The following PTDSS1 variants were observed in gnomAD, a reference collection of about 807,000 sequenced individuals.
PTDSS1 encodes the protein PSS-1.
Under a neutral mutation model 70.5 loss-of-function variants are expected in PTDSS1, and 45 were observed. That is an observed-to-expected ratio of 0.64 (90% CI 0.50 to 0.82). The LOEUF (loss-of-function observed/expected upper bound fraction) is 0.82, where lower values mean the gene tolerates loss of function less well. Ranked by LOEUF, PTDSS1 falls within the 40% of genes least tolerant of loss-of-function variation. The pLI is 0.00. For missense variants in PTDSS1, 417 were observed against 586.1 expected, an observed-to-expected ratio of 0.71 and a Z score of 2.98; for synonymous variants, 188 against 203.8, an observed-to-expected ratio of 0.92 and a Z score of 0.66.
chr8:96,335,340 T>C lies in PTDSS1; in HGVS notation c.*1774T>C, dbSNP rs1452727325. On this transcript the variant is annotated 3_prime_UTR_variant, in exon 13 of 13. Coordinates refer to ENST00000517309, the MANE Select transcript of PTDSS1 (RefSeq NM_014754.3). ...TGTTTCATCCTGTGTTCTGCTTTTC[T>C]AAGCATGACATACTTGTGCCCATTG... 6.6e-6 allele frequency: 1 copy of C among 152,276 alleles called. No individual in the cohort carries two copies. Among genetic ancestry groups the C allele is most frequent in the Admixed American group, 6.5e-5 (1 of 15,286 alleles). 9.4% of individuals were successfully genotyped at this position (152,276 alleles called of 1,614,324 possible). A position where few individuals can be genotyped will look rare whatever the true frequency, so the allele number is the denominator to read the frequency against.
intron 10 of PTDSS1, among the ~76,000 whole-genome samples, chr8:96,321,256 A>G (rs536172590): frequency 6.6e-6 from 1 of 152,336 alleles, no homozygotes; most frequent in East Asian, 1.9e-4. Flanking sequence ...ATGGATCACT[A>G]AAAGAAGCTC....
intron 5 of PTDSS1, among the ~76,000 whole-genome samples, chr8:96,296,376 G>A (rs1810976516): frequency 6.6e-6 from 1 of 151,978 alleles, no homozygotes; most frequent in African/African-American, 2.4e-5. Context: ...CTGTCCTTGT[G>A]ATCTGCCCAC....
At position 96,283,989 on chromosome 8, in the gene PTDSS1, A is replaced by C. The variant is rs567519099; in HGVS notation, c.272-120A>C. The C allele has an allele frequency of 1.4e-4, 104 of 770,172 alleles. No individual in the cohort carries two copies. The Middle Eastern group carries it at 2.9e-3, about 22-fold the overall frequency. The allele number at this position is 770,172 out of a possible 1,614,324, so 47.7% of individuals were successfully genotyped here. A position where few individuals can be genotyped will look rare whatever the true frequency, so the allele number is the denominator to read the frequency against. On this transcript the variant is annotated intron_variant, in intron 2 of 12. Coordinates refer to ENST00000517309, the MANE Select transcript of PTDSS1 (RefSeq NM_014754.3). ...AAGTGTTTATGTAGAAAAAAAAAAA[A>C]AACTTTTAACAGTAGAGAGCTTTTT...
intron 1 of PTDSS1, among the ~76,000 whole-genome samples, chr8:96,268,944 A>G (rs1267237252): frequency 6.6e-6 from 1 of 152,088 alleles, no homozygotes; most frequent in African/African-American, 2.4e-5. Context: ...GCCACCTACT[A>G]TGGCAGGTGG....
chr8:96,309,056 A>G (rs1811167382), intron 8 of PTDSS1, among the ~76,000 whole-genome samples: 1 of 152,152 alleles, frequency 6.6e-6, no homozygotes, highest in Non-Finnish European at 1.5e-5. Context: ...CAACCAATGG[A>G]CAGTACTGCT....
chr8:96,298,900 C>T (rs577438627), intron 5 of PTDSS1, among the ~76,000 whole-genome samples: 13 of 152,028 alleles, frequency 8.6e-5, no homozygotes, highest in Admixed American at 1.3e-4. Flanking sequence ...ATTAGCCGGG[C>T]ATGGTGGTGT....
chr8:96,270,568 C>G (rs565039320), intron 1 of PTDSS1, among the ~76,000 whole-genome samples: 1 of 152,156 alleles, frequency 6.6e-6, no homozygotes, highest in Non-Finnish European at 1.5e-5. Context: ...TCTCTGCTCT[C>G]GAAACTCACA....
intron 12 of PTDSS1, 26 bp from the exon 13 acceptor site, chr8:96,333,431 C>G (rs1274496664): frequency 1.3e-6 from 2 of 1,580,446 alleles, no homozygotes; most frequent in Non-Finnish European, 1.7e-6. Context: ...CCCAGGGTGA[C>G]GGTGTGCTCT....
chr8:96,264,305 TAG>T, intron 1 of PTDSS1, among the ~76,000 whole-genome samples: 3 of 152,394 alleles, frequency 2.0e-5, no homozygotes, highest in African/African-American at 7.2e-5. Flanking sequence ...TTCATCTTTT[TAG>T]ATAATCTGTT....
At chr8:96,322,263 G>A (rs1371028334) in intron 10 of PTDSS1, among the ~76,000 whole-genome samples, 1 of 152,126 alleles carries the variant, frequency 6.6e-6, no homozygotes, top group African/African-American at 2.4e-5. Context: ...ATTTTCTGTT[G>A]CTATAACAGA....
intron 10 of PTDSS1, among the ~76,000 whole-genome samples, chr8:96,324,335 C>T (rs1246571389): frequency 6.6e-6 from 1 of 152,188 alleles, no homozygotes; most frequent in East Asian, 1.9e-4. Flanking sequence ...TCAGCCTCTA[C>T]CCATTAGCCA....
In PTDSS1 at chr8:96,316,076, C is replaced by T. The variant is rs191690427; in HGVS notation, c.1074-4170C>T. Among the ~76,000 whole-genome samples, 3 of 152,224 alleles carry T rather than the reference C, an allele frequency of 2.0e-5. No individual in the cohort carries two copies. In the East Asian group the frequency reaches 5.8e-4, roughly 29 times the overall value. On this transcript the variant is annotated intron_variant, in intron 9 of 12. Transcript: ENST00000517309. ...GGAAGGGTGCTGTTGATTGGAACTC[C>T]CTCCAGTGGGCCAGAGGTAATGGTG... is the stretch of plus-strand genomic sequence containing the variant.
chr8:96,313,339 G>A (rs140412604), intron 9 of PTDSS1, among the ~76,000 whole-genome samples: 1 of 152,218 alleles, frequency 6.6e-6, no homozygotes, highest in Non-Finnish European at 1.5e-5. Context: ...GAAAGCAGCC[G>A]TGTGGAAAGG....
At chr8:96,271,996 T>TAA (rs1336575310) in intron 1 of PTDSS1, among the ~76,000 whole-genome samples, 6 of 152,222 alleles carry the variant, frequency 3.9e-5, no homozygotes, top group Admixed American at 3.9e-4. Context: ...CCCATTTTTC[T>TAA]ATTTAGATTT....
chr8:96,318,048 C>T (rs1320457097), intron 9 of PTDSS1, among the ~76,000 whole-genome samples: 1 of 151,600 alleles, frequency 6.6e-6, no homozygotes, highest in Non-Finnish European at 1.5e-5. Flanking sequence ...TAAAAGGGCC[C>T]TCAGGCTGGC....
At chr8:96,277,626 C>T (rs16894402) in intron 2 of PTDSS1, among the ~76,000 whole-genome samples, 15,579 of 152,274 alleles carry the variant, frequency 0.1, 2,572 homozygotes, top group African/African-American at 0.34. Context: ...GAAAAATTTT[C>T]TGGCAACTTG....
At position 96,333,666 on chromosome 8, in the gene PTDSS1, A is replaced by G; in HGVS notation, c.*100A>G. 1 of 1,154,284 alleles carries G rather than the reference A, an allele frequency of 8.7e-7. No individual in the cohort carries two copies. Among genetic ancestry groups the G allele is most frequent in the Non-Finnish European group, 1.3e-6 (1 of 768,356 alleles). The allele number at this position is 1,154,284 out of a possible 1,614,324, so 71.5% of individuals were successfully genotyped here. A position where few individuals can be genotyped will look rare whatever the true frequency, so the allele number is the denominator to read the frequency against. ...GTGAGGAGGTCGAGGCGCACAGGGC[A>G]AGCAGGAAGAGGCGAGGGCACTTGG... On this transcript the variant is annotated 3_prime_UTR_variant, in exon 13 of 13. Transcript: ENST00000517309.
In PTDSS1 at chr8:96,287,078, C is replaced by G. The variant is rs748935593; in HGVS notation, c.373C>G (p.Gln125Glu). ...LVFLLFLNFE[Q>E]VKSLMYWLDP... ...ATTCCTACTCTTCCTGAATTTCGAG[C>G]AGGTTAAATCTCTAATGTATTGGCT... Residue 125 changes from glutamine (Q) to glutamate (E), a missense_variant, in exon 4 of 13, where the codon CAG becomes GAG. Gln to Glu is a conservative substitution (Grantham distance 29). Around this residue, in one of 3 missense-constraint regions of PTDSS1, gnomAD observed 272 missense variants for 429.5 expected, o/e 0.63. Transcript: ENST00000517309. 1 of 1,613,758 alleles carries G rather than the reference C, an allele frequency of 6.2e-7. No individual in the cohort carries two copies. Among genetic ancestry groups the G allele is most frequent in the Admixed American group, 1.7e-5 (1 of 60,004 alleles).
At position 96,307,913 on chromosome 8, in the gene PTDSS1, C is replaced by T. The variant is rs13253575; in HGVS notation, c.1007+1357C>T. Among the ~76,000 whole-genome samples, 1,416 of 152,274 alleles carry T rather than the reference C, an allele frequency of 9.3e-3. 13 individuals carry two copies. The highest frequency in any genetic ancestry group is 0.014 in the Non-Finnish European group (953 of 68,022). On this transcript the variant is annotated intron_variant, in intron 8 of 12. Coordinates refer to ENST00000517309, the MANE Select transcript of PTDSS1 (RefSeq NM_014754.3). ...ACGTTTTGAACTTTTGAGAGATCCT[C>T]AAAATTTTACAATGCCCTATGGATT...
Sources: gnomAD v4.1 joint callset for allele counts (sites outside exome capture counted in the v4.1 genomes callset) on GRCh38, gnomAD v4.1.1 for gene constraint, gnomAD v4.1.1 regional missense constraint, MANE v1.5 for transcripts, NCBI Gene and HGNC (gene_info 2026-07-23, HGNC 2026-07-21) for gene names.